SEMA3A: variants seen among roughly 807,000 people sequenced by gnomAD.
SEMA3A encodes the protein semaphorin-3A.
SEMA3A carries 29 observed loss-of-function variants against 97.9 expected under a neutral mutation model. The observed-to-expected ratio is 0.30, with a 90% CI of 0.22 to 0.40. SEMA3A has a LOEUF of 0.40. Ranked by LOEUF, SEMA3A falls within the 10% of genes least tolerant of loss-of-function variation. SEMA3A has a pLI of 1.00. For synonymous variants in SEMA3A, 321 were observed against 323.7 expected (o/e 0.99, Z 0.09); for missense variants, 763 against 951.3 (o/e 0.80, Z 2.60).
At chr7:84,435,457 A>C (rs1331113899) in intron 1 of SEMA3A, among the ~76,000 whole-genome samples, 9 of 152,058 alleles carry the variant, frequency 5.9e-5, no homozygotes, top group Non-Finnish European at 7.4e-5. Flanking sequence ...AAAATACAAA[A>C]ATTAGCTGGG....
At chr7:84,092,993 TAATC>T (rs1794644912) in intron 4 of SEMA3A, among the ~76,000 whole-genome samples, 2 of 152,196 alleles carry the variant, frequency 1.3e-5, no homozygotes, top group Non-Finnish European at 2.9e-5. Context: ...TAATATTTGT[TAATC>T]AATATAGATT....
chr7:83,978,610 T>C (rs539593634), intron 14 of SEMA3A, among the ~76,000 whole-genome samples: 8 of 152,338 alleles, frequency 5.3e-5, no homozygotes, highest in Middle Eastern at 6.8e-3. Context: ...ATTGCAAATA[T>C]GGAATTTGTT....
At chr7:84,083,050 T>G (rs192423657) in intron 4 of SEMA3A, among the ~76,000 whole-genome samples, 4 of 151,932 alleles carry the variant, frequency 2.6e-5, no homozygotes, top group Non-Finnish European at 5.9e-5. Flanking sequence ...TTTAAAACCT[T>G]AGATTGTCAA....
At chr7:84,211,254 G>C (rs568740624) in intron 3 of SEMA3A, among the ~76,000 whole-genome samples, 2 of 152,240 alleles carry the variant, frequency 1.3e-5, no homozygotes. Context: ...TTGTACAAAG[G>C]AGGCAAATAT....
intron 4 of SEMA3A, among the ~76,000 whole-genome samples, chr7:84,067,567 A>T (rs992323374): frequency 3.3e-5 from 5 of 152,164 alleles, no homozygotes; most frequent in Admixed American, 3.3e-4. Flanking sequence ...AACTCAAACA[A>T]ATTTACAAGA....
intron 4 of SEMA3A, among the ~76,000 whole-genome samples, chr7:84,093,361 G>A (rs1185624365): frequency 6.6e-6 from 1 of 152,114 alleles, no homozygotes; most frequent in Non-Finnish European, 1.5e-5. Context: ...ACTTTTTGCT[G>A]TGTTGCCATG....
chr7:83,965,639 TATATATATATATATATATATATA>T (rs1562943393), intron 15 of SEMA3A, among the ~76,000 whole-genome samples: 2 of 7,468 alleles, frequency 2.7e-4, no homozygotes, highest in East Asian at 4.4e-3. Flanking sequence ...TATATATATA[TATATATATATATATATATATATA>T]TATATTTTTT....
chr7:84,488,624 C>G (rs1806644663), intron 1 of SEMA3A, among the ~76,000 whole-genome samples: 1 of 152,032 alleles, frequency 6.6e-6, no homozygotes, highest in Admixed American at 6.6e-5. Context: ...TCCAGAGTCC[C>G]ACTATTAACA....
intron 3 of SEMA3A, among the ~76,000 whole-genome samples, chr7:84,241,921 A>T (rs1266717265): frequency 1.3e-5 from 2 of 152,150 alleles, no homozygotes; most frequent in Admixed American, 1.3e-4. Context: ...CAGGTTTGTC[A>T]AAGATCAGAC....
chr7:84,260,605 C>T (rs749236740), intron 3 of SEMA3A, among the ~76,000 whole-genome samples: 15 of 148,976 alleles, frequency 1.0e-4, no homozygotes, highest in Non-Finnish European at 1.0e-4. Context: ...TTGTAGCCAA[C>T]CCCAGGTGCT....
At chr7:84,389,859 G>A (rs17159006) in intron 1 of SEMA3A, among the ~76,000 whole-genome samples, 17,434 of 152,090 alleles carry the variant, frequency 0.11, 1,875 homozygotes, top group African/African-American at 0.27. Context: ...AGATAAAATT[G>A]TAATCATCTA....
chr7:84,096,981 C>T (rs1794794562), intron 4 of SEMA3A, among the ~76,000 whole-genome samples: 1 of 152,026 alleles, frequency 6.6e-6, no homozygotes, highest in Admixed American at 6.6e-5. Context: ...GATCTGGTGT[C>T]AAGGTAGTAC....
chr7:84,407,277 T>C (rs1319196651), intron 1 of SEMA3A, among the ~76,000 whole-genome samples: 1 of 152,066 alleles, frequency 6.6e-6, no homozygotes, highest in East Asian at 1.9e-4. Flanking sequence ...AAATCATGAG[T>C]GAACTCCCAT....
chr7:84,279,530 GC>G (rs766242995), intron 3 of SEMA3A, among the ~76,000 whole-genome samples: 6 of 152,098 alleles, frequency 3.9e-5, no homozygotes, highest in Non-Finnish European at 7.4e-5. Context: ...GAGAGACATG[GC>G]TACTGATTTC....
intron 13 of SEMA3A, 52 bp from the exon 14 acceptor site, chr7:83,981,530 C>G: frequency 7.2e-7 from 1 of 1,395,048 alleles, no homozygotes; most frequent in South Asian, 1.5e-5. Context: ...TTTTAAATCT[C>G]TTGTTCTCTT....
At chr7:84,132,762 G>C (rs1242413666) in intron 2 of SEMA3A, among the ~76,000 whole-genome samples, 2 of 128,666 alleles carry the variant, frequency 1.6e-5, no homozygotes, top group African/African-American at 5.8e-5. Flanking sequence ...TGCAACCTCT[G>C]CCTCCCAGGT....
At chr7:83,967,367 C>T (rs797810) in intron 15 of SEMA3A, among the ~76,000 whole-genome samples, 42,994 of 152,088 alleles carry the variant, frequency 0.28, 7,019 homozygotes, top group East Asian at 0.62. Context: ...CCCTTCTCTC[C>T]CCAGCTCCAG....
At position 84,048,127 on chromosome 7, in the gene SEMA3A, T is replaced by C. The variant is rs139176023; in HGVS notation, c.548-1684A>G. On this transcript the variant is annotated intron_variant, in intron 5 of 16. Coordinates refer to ENST00000265362, the MANE Select transcript of SEMA3A (RefSeq NM_006080.3). ...TAAAAAAGATGCTTAGATAATATGT[T>C]GAGTATAAATTATTAGTAAGTGAAT... 1.2e-3 allele frequency among the ~76,000 whole-genome samples: 188 copies of C among 152,170 alleles called. 1 individual carries two copies. The East Asian group carries it at 0.016, about 13-fold the overall frequency.
chr7:84,333,865 T>A (rs1381599129), intron 2 of SEMA3A, among the ~76,000 whole-genome samples: 1 of 110,238 alleles, frequency 9.1e-6, no homozygotes, highest in Non-Finnish European at 1.8e-5. Context: ...GGAAATTACT[T>A]TTGAATTTGC....
Sources: gnomAD v4.1 joint callset for allele counts (sites outside exome capture counted in the v4.1 genomes callset) on GRCh38, gnomAD v4.1.1 for gene constraint, MANE v1.5 for transcripts, NCBI Gene and HGNC (gene_info 2026-07-23, HGNC 2026-07-21) for gene names.